CRACDL: variants seen among roughly 807,000 people sequenced by gnomAD.
The protein encoded by CRACDL is CRACD-like protein.
Under a neutral mutation model 70.6 loss-of-function variants are expected in CRACDL, and 26 were observed. The ratio of observed to expected loss-of-function variants is 0.37; its 90% CI spans 0.27 to 0.51. The LOEUF is 0.51. Ranked by LOEUF, CRACDL falls within the 20% of genes least tolerant of loss-of-function variation. The probability of loss-of-function intolerance (pLI) is 0.94; values close to 1 mark genes in which losing one functional copy is unlikely to be tolerated. For synonymous variants in CRACDL, 618 were observed against 615.2 expected (o/e 1.00, Z -0.07); for missense variants, 1,283 against 1,376.9 (o/e 0.93, Z 1.08).
chr2:98,890,967 G>T (rs1329151677), intron 1 of CRACDL, among the ~76,000 whole-genome samples: 1 of 152,108 alleles, frequency 6.6e-6, no homozygotes. Flanking sequence ...TGAGGCAAGA[G>T]AATTGCTTGA....
At chr2:98,892,504 A>G (rs929077024) in intron 1 of CRACDL, among the ~76,000 whole-genome samples, 2 of 152,076 alleles carry the variant, frequency 1.3e-5, no homozygotes, top group African/African-American at 2.4e-5. Context: ...CAGACAGTCA[A>G]CATAGTGAAA....
At chr2:98,876,299 TAA>T (rs986717311) in intron 1 of CRACDL, among the ~76,000 whole-genome samples, 5 of 152,272 alleles carry the variant, frequency 3.3e-5, no homozygotes, top group African/African-American at 9.6e-5. Context: ...TATTTTAAGT[TAA>T]AAAGAGTTTA....
chr2:98,856,080 T>C (rs1294057644), intron 1 of CRACDL, among the ~76,000 whole-genome samples: 1 of 152,034 alleles, frequency 6.6e-6, no homozygotes, highest in Non-Finnish European at 1.5e-5. Flanking sequence ...CCAAAAACTT[T>C]CTAAATTTGA....
chr2:98,846,142 C>G (rs1706242996), intron 2 of CRACDL, among the ~76,000 whole-genome samples: 1 of 152,136 alleles, frequency 6.6e-6, no homozygotes. Flanking sequence ...GTCAATTTTA[C>G]AACTCTATCA....
intron 1 of CRACDL, among the ~76,000 whole-genome samples, chr2:98,908,067 C>G (rs1385703995): frequency 2.0e-5 from 3 of 152,210 alleles, no homozygotes; most frequent in Non-Finnish European, 2.9e-5. Flanking sequence ...GTAGAACATG[C>G]AGTTTTGAAG....
At chr2:98,877,160 G>A (rs1558618361) in intron 1 of CRACDL, among the ~76,000 whole-genome samples, 1 of 152,194 alleles carries the variant, frequency 6.6e-6, no homozygotes, top group Non-Finnish European at 1.5e-5. Context: ...GCCTCTATTG[G>A]TAGAAATAGC....
rs762256904 is a variant in CRACDL at position 98,827,160 on chromosome 2, C to T, written c.550G>A (p.Val184Met). The T allele has an allele frequency of 2.9e-5, 47 of 1,612,618 alleles. No homozygotes were observed. The highest frequency in any genetic ancestry group is 6.6e-5 in the South Asian group (6 of 91,050). The change falls in exon 6 of 10, where the codon GTG becomes ATG. Residue 184 changes from valine to methionine, a missense_variant. By Grantham distance (21) the Val-to-Met change is conservative. This residue lies in a region of CRACDL where 362 missense variants were observed against 495.0 expected (regional missense o/e 0.73). Coordinates refer to ENST00000397899, the MANE Select transcript of CRACDL (RefSeq NM_207362.3). ...GPGTTIKVSV[V>M]SPDHVSDSTV... ...CTGTCGCTCACGTGGTCTGGAGACA[C>T]GACAGAGACCTTCGTGGGACAAGGA...
chr2:98,831,757 C>T (rs756355399), intron 5 of CRACDL, among the ~76,000 whole-genome samples: 1 of 152,144 alleles, frequency 6.6e-6, no homozygotes, highest in South Asian at 2.1e-4. Flanking sequence ...TTCCTCGGGG[C>T]CCCCCTCTTG....
chr2:98,886,866 A>T (rs981842902), intron 1 of CRACDL, among the ~76,000 whole-genome samples: 1 of 152,238 alleles, frequency 6.6e-6, no homozygotes, highest in Non-Finnish European at 1.5e-5. Flanking sequence ...ATAAGAAGAA[A>T]CAAGAAAATA....
At position 98,797,438 on chromosome 2, in the gene CRACDL, T is replaced by C; in HGVS notation, c.2516A>G (p.Asp839Gly). 6.2e-7 allele frequency: 1 copy of C among 1,614,200 alleles called. No homozygotes were observed. The highest frequency in any genetic ancestry group is 8.5e-7 in the Non-Finnish European group (1 of 1,180,030). ...CTTGTCTTCCTGGTTGGGTGGCTGGTCCAAGGTCCCCCTCCGCTTCTGCCG... is the reference window on the plus strand; with the variant it reads ...CTTGTCTTCCTGGTTGGGTGGCTGGCCCAAGGTCCCCCTCCGCTTCTGCCG... ...VTRQKRRGTL[D>G]QPPNQEDKPG... Residue 839 changes from aspartate to glycine, a missense_variant, in exon 8 of 10, where the codon GAC (aspartate) becomes GGC (glycine). This residue lies in a region of CRACDL where 921 missense variants were observed against 881.9 expected (regional missense o/e 1.04). Coordinates refer to ENST00000397899, the MANE Select transcript of CRACDL (RefSeq NM_207362.3).
intron 1 of CRACDL, among the ~76,000 whole-genome samples, chr2:98,894,629 C>A (rs1170909286): frequency 6.6e-6 from 1 of 152,090 alleles, no homozygotes; most frequent in African/African-American, 2.4e-5. Context: ...GGGAAAGAAG[C>A]TCTGAGAACC....
At chr2:98,831,980 C>T (rs1705562548) in intron 5 of CRACDL, among the ~76,000 whole-genome samples, 1 of 152,178 alleles carries the variant, frequency 6.6e-6, no homozygotes, top group African/African-American at 2.4e-5. Context: ...TTCCCCCTCC[C>T]ACCGGCCAAA....
chr2:98,800,802 C>A (rs1704043533), intron 7 of CRACDL, among the ~76,000 whole-genome samples: 1 of 152,240 alleles, frequency 6.6e-6, no homozygotes, highest in Non-Finnish European at 1.5e-5. Flanking sequence ...AGATACACTT[C>A]TAAATGCTGA....
chr2:98,823,563 T>C lies in CRACDL; in HGVS notation c.736-26A>G. 6.5e-7 allele frequency: 1 copy of C among 1,542,686 alleles called. No homozygotes were observed. Among genetic ancestry groups the C allele is most frequent in the Non-Finnish European group, 8.7e-7 (1 of 1,150,842 alleles). On this transcript the variant is annotated intron_variant, in intron 6 of 9. Transcript: ENST00000397899. This position sits in a 1 kb window ranked among gnomAD's most constrained non-coding sequence, Gnocchi z 4.0. ...CTGAGAGAAATAAAGATAAAAAGCA[T>C]CGTCGCTATAGCCAATTCCAGGAAG... is the stretch of plus-strand genomic sequence containing the variant.
chr2:98,918,537 A>C (rs1708721354), intron 1 of CRACDL, among the ~76,000 whole-genome samples: 1 of 67,008 alleles, frequency 1.5e-5, no homozygotes, highest in Admixed American at 2.4e-4. Flanking sequence ...GATGTTGTCT[A>C]CCAAAAAAAA....
chr2:98,796,759 C>T (rs762644837), intron 8 of CRACDL, among the ~76,000 whole-genome samples: 5 of 152,164 alleles, frequency 3.3e-5, no homozygotes, highest in East Asian at 1.9e-4. Context: ...AGATTCATCA[C>T]GGTGCTATTG....
intron 7 of CRACDL, among the ~76,000 whole-genome samples, chr2:98,802,826 T>C (rs1363832470): frequency 1.3e-5 from 2 of 152,212 alleles, no homozygotes; most frequent in Non-Finnish European, 2.9e-5. Context: ...ACAATGTAAA[T>C]TCCCAGGTTG....
Position 98,906,636 on chromosome 2 carries a change from T to C in CRACDL, c.-11+29302A>G, listed in dbSNP as rs191449650. 1.6e-4 allele frequency among the ~76,000 whole-genome samples: 24 copies of C among 152,364 alleles called. No homozygotes were observed. The East Asian group carries it at 4.2e-3, about 27-fold the overall frequency. The stretch of plus-strand genomic sequence containing the variant: ...AATTACCATTTGGTTGTTTCTTAAA[T>C]TGCCACTTCTCTGCTGAAATTCCTA... On this transcript the variant is annotated intron_variant, in intron 1 of 9. Transcript: ENST00000397899.
intron 1 of CRACDL, among the ~76,000 whole-genome samples, chr2:98,873,435 C>A (rs1190031036): frequency 6.6e-6 from 1 of 152,214 alleles, no homozygotes; most frequent in Non-Finnish European, 1.5e-5. Context: ...GCTCCACTAC[C>A]TCTAATGTAG....
Sources: allele counts gnomAD v4.1 joint callset (sites outside exome capture counted in the v4.1 genomes callset), GRCh38; gene constraint gnomAD v4.1.1; regional missense constraint gnomAD v4.1.1; non-coding constraint Gnocchi (gnomAD v3.1); transcripts MANE v1.5; gene names NCBI Gene and HGNC (gene_info 2026-07-23, HGNC 2026-07-21).